MAP7D2: variants seen among roughly 807,000 people sequenced by gnomAD.
MAP7D2 encodes MAP7 domain-containing protein 2.
In MAP7D2, 33 loss-of-function variants were observed where a neutral mutation model predicts 63.5. That is an observed-to-expected ratio of 0.52 (90% CI 0.39 to 0.70). The LOEUF is 0.70. MAP7D2 is among the 30% of genes least tolerant of loss of function. The probability of loss-of-function intolerance (pLI) is 0.00; values close to 1 mark genes in which losing one functional copy is unlikely to be tolerated. For synonymous variants in MAP7D2, 224 were observed against 223.7 expected, an observed-to-expected ratio of 1.00 and a Z score of -0.01; for missense variants, 626 against 604.0, an observed-to-expected ratio of 1.04 and a Z score of -0.38.
intron 6 of MAP7D2, among the ~76,000 whole-genome samples, chrX:20,045,292 C>T (rs770084504): frequency 8.2e-5 from 9 of 110,239 alleles, no homozygotes; most frequent in Non-Finnish European, 1.7e-4. Context: ...AGCCATGGGC[C>T]GGGCATGGTG....
Position 20,089,822 on chromosome X carries a change from C to A in MAP7D2, c.131-25017G>T, listed in dbSNP as rs529823931. Reference sequence around the variant, plus strand: ...CTATATTTGTGCTTGCTTTTCTATTCCTTTTCCTTTCCTCTCCTCCCTCGT... The same window carrying A: ...CTATATTTGTGCTTGCTTTTCTATTACTTTTCCTTTCCTCTCCTCCCTCGT... On this transcript the variant is annotated intron_variant, in intron 1 of 16. Transcript: ENST00000379643. Among the ~76,000 whole-genome samples, 64 of 111,911 alleles carry A rather than the reference C, an allele frequency of 5.7e-4. No homozygotes were observed. In the South Asian group the frequency reaches 0.023, roughly 40 times the overall value.
chrX:20,015,311 G>C lies in MAP7D2; in HGVS notation c.1661C>G (p.Thr554Arg), dbSNP rs776342272. ...MIEKQKEAAE[T>R]KAREVAEQMR... is the part of the protein sequence containing the mutation. ...CTGTTCAGCTACCTCCCGGGCCTTT[G>C]TTTCTGCTGCTTCTTTCTAACAGAA... Residue 554 changes from threonine to arginine, a missense_variant, in exon 12 of 17, where the codon ACA (threonine) becomes AGA (arginine). Thr to Arg is a moderately conservative substitution (Grantham distance 71, BLOSUM62 -1). Coordinates refer to ENST00000379643, the MANE Select transcript of MAP7D2 (RefSeq NM_001168465.2). The C allele has an allele frequency of 8.3e-7, 1 of 1,208,200 alleles. No homozygotes were observed. Among genetic ancestry groups the C allele is most frequent in the Admixed American group, 2.2e-5 (1 of 46,028 alleles).
At chrX:20,019,814 C>G (rs1234557029) in intron 10 of MAP7D2, among the ~76,000 whole-genome samples, 1 of 111,597 alleles carries the variant, frequency 9.0e-6, no homozygotes, top group Non-Finnish European at 1.9e-5. Context: ...TTCCCCAGGC[C>G]TTAGGTACCC....
chrX:20,014,385 T>C (rs1312753384), intron 12 of MAP7D2, among the ~76,000 whole-genome samples: 2 of 111,303 alleles, frequency 1.8e-5, no homozygotes, highest in African/African-American at 6.5e-5. Context: ...CTGGCCAACA[T>C]GGTGAAATCC....
At chrX:20,039,997 CAAAAA>C (rs759631358) in intron 8 of MAP7D2, among the ~76,000 whole-genome samples, 1 of 29,802 alleles carries the variant, frequency 3.4e-5, no homozygotes, top group Non-Finnish European at 5.9e-5. Flanking sequence ...GACTCCATCT[CAAAAA>C]AAAAAAAAAA....
chrX:20,016,032 T>C (rs1488208555), intron 11 of MAP7D2, 62 bp downstream of exon 11: 2 of 927,983 alleles, frequency 2.2e-6, no homozygotes, highest in Non-Finnish European at 3.1e-6. Context: ...ATTTAACTAA[T>C]TGTACCTACT....
chrX:20,064,849 T>A (rs770570992), intron 1 of MAP7D2, 44 bp from the exon 2 acceptor site: 5 of 1,115,248 alleles, frequency 4.5e-6, no homozygotes, highest in Non-Finnish European at 6.2e-6. Context: ...CTTCACTCTT[T>A]CCCTATCTGC....
At chrX:20,024,286 A>G (rs1197750159) in intron 10 of MAP7D2, among the ~76,000 whole-genome samples, 1 of 112,262 alleles carries the variant, frequency 8.9e-6, no homozygotes, top group East Asian at 2.8e-4. Flanking sequence ...GTGGTTCTCA[A>G]ACCCTGGCAA....
chrX:20,091,171 G>T (rs1307172058), intron 1 of MAP7D2, among the ~76,000 whole-genome samples: 1 of 105,769 alleles, frequency 9.5e-6, no homozygotes, highest in Non-Finnish European at 1.9e-5. Flanking sequence ...TCCTGCCTCA[G>T]CCTCCAGAGT....
chrX:20,051,046 G>T, intron 5 of MAP7D2, 100 bp from the exon 6 acceptor site: 1 of 684,371 alleles, frequency 1.5e-6, no homozygotes, highest in South Asian at 4.3e-5. Flanking sequence ...TTAACTTTTG[G>T]GTGGCAGAAC....
At chrX:20,104,232 G>T (rs976923342) in intron 1 of MAP7D2, among the ~76,000 whole-genome samples, 24 of 112,305 alleles carry the variant, frequency 2.1e-4, no homozygotes, top group Non-Finnish European at 1.9e-5. Context: ...GGTGAGGAGA[G>T]GAAAAAGGGA....
At chrX:20,056,219 T>A (rs1395617322) in intron 4 of MAP7D2, among the ~76,000 whole-genome samples, 1 of 112,143 alleles carries the variant, frequency 8.9e-6, no homozygotes, top group East Asian at 2.8e-4. Context: ...TAAGTCACCT[T>A]GAAACAAAGT....
At chrX:20,112,487 CAG>C (rs1184413247) in intron 1 of MAP7D2, among the ~76,000 whole-genome samples, 1 of 111,722 alleles carries the variant, frequency 9.0e-6, no homozygotes, top group African/African-American at 3.3e-5. Flanking sequence ...AGACTGACCT[CAG>C]AGGCAGACGA....
chrX:20,032,137 T>C (rs1346041838), intron 8 of MAP7D2, among the ~76,000 whole-genome samples: 1 of 111,912 alleles, frequency 8.9e-6, no homozygotes, highest in Non-Finnish European at 1.9e-5. Flanking sequence ...GATTTCGAAA[T>C]TTAAAAGCTG....
intron 8 of MAP7D2, among the ~76,000 whole-genome samples, chrX:20,038,531 C>T (rs2064559612): frequency 9.0e-6 from 1 of 111,688 alleles, no homozygotes; most frequent in African/African-American, 3.3e-5. Flanking sequence ...TCTGAATCAA[C>T]GTCCTATACA....
At chrX:20,052,705 C>T (rs983386255) in intron 5 of MAP7D2, among the ~76,000 whole-genome samples, 173 bp downstream of exon 5, 8 of 112,395 alleles carry the variant, frequency 7.1e-5, no homozygotes, top group African/African-American at 2.6e-4. Context: ...AGCCGTGCCA[C>T]GTTCCAAAGT....
At chrX:20,034,790 A>G (rs1051198932) in intron 8 of MAP7D2, among the ~76,000 whole-genome samples, 2 of 111,953 alleles carry the variant, frequency 1.8e-5, no homozygotes, top group Non-Finnish European at 3.8e-5. Context: ...CAGTCAGTTT[A>G]GCAGCCAAAC....
intron 1 of MAP7D2, among the ~76,000 whole-genome samples, chrX:20,067,458 A>G (rs2065389597): frequency 9.0e-6 from 1 of 111,003 alleles, no homozygotes; most frequent in Admixed American, 9.6e-5. Context: ...CAGCATCATC[A>G]TAATAAGAGG....
At chrX:20,015,391 C>G (rs940681316) in intron 11 of MAP7D2, 64 bp from the exon 12 acceptor site, 6 of 935,990 alleles carry the variant, frequency 6.4e-6, no homozygotes, top group Non-Finnish European at 9.2e-6. Flanking sequence ...TGGTAATTCC[C>G]TGGCTTTGCA....
Sources: gnomAD v4.1 joint callset for allele counts (sites outside exome capture counted in the v4.1 genomes callset) on GRCh38, gnomAD v4.1.1 for gene constraint, MANE v1.5 for transcripts, NCBI Gene and HGNC (gene_info 2026-07-23, HGNC 2026-07-21) for gene names.